MTCL3: variants seen among roughly 807,000 people sequenced by gnomAD.
The protein encoded by MTCL3 is microtubule cross-linking factor 3.
chr6:127,478,904 C>T, the MTCL3 span, among the ~76,000 whole-genome samples: 524 of 151,448 alleles, frequency 3.5e-3, 5 homozygotes, highest in African/African-American at 0.012. Context: ...GTAGTCCCAG[C>T]TGCTCGGGAG....
chr6:127,508,998 A>G, the MTCL3 span, among the ~76,000 whole-genome samples: 1 of 152,222 alleles, frequency 6.6e-6, no homozygotes, highest in African/African-American at 2.4e-5. Context: ...TGTTGTTTAC[A>G]TGACATAACT....
the MTCL3 span, among the ~76,000 whole-genome samples, chr6:127,499,783 T>A: frequency 9.2e-5 from 14 of 152,292 alleles, no homozygotes; most frequent in African/African-American, 3.4e-4. Context: ...TGACTCCTCC[T>A]TGGGTTTGGC....
the MTCL3 span, among the ~76,000 whole-genome samples, chr6:127,478,582 G>A: frequency 3.3e-5 from 5 of 152,194 alleles, no homozygotes; most frequent in Admixed American, 6.5e-5. Context: ...TAGAATCTCA[G>A]GCTCATGATT....
the MTCL3 span, among the ~76,000 whole-genome samples, chr6:127,510,297 T>C: frequency 6.6e-6 from 1 of 152,224 alleles, no homozygotes; most frequent in Non-Finnish European, 1.5e-5. Flanking sequence ...CACTGCTTGG[T>C]GCTGGAACAG....
chr6:127,510,070 GT>G, the MTCL3 span, among the ~76,000 whole-genome samples: 1,114 of 150,792 alleles, frequency 7.4e-3, 14 homozygotes, highest in African/African-American at 0.026. Context: ...CTCCCTTCCT[GT>G]TTTTTTTTAT....
chr6:127,513,326 T>C, the MTCL3 span, among the ~76,000 whole-genome samples: 2 of 152,222 alleles, frequency 1.3e-5, no homozygotes, highest in Non-Finnish European at 2.9e-5. Flanking sequence ...GAGTAGACAC[T>C]GCTGGGCTAA....
At chr6:127,496,300 G>A in the MTCL3 span, among the ~76,000 whole-genome samples, 2 of 152,152 alleles carry the variant, frequency 1.3e-5, no homozygotes, top group East Asian at 1.9e-4. Context: ...ATTTACTTCT[G>A]ATTAAAATAT....
At chr6:127,510,418 A>T in the MTCL3 span, among the ~76,000 whole-genome samples, 1 of 152,226 alleles carries the variant, frequency 6.6e-6, no homozygotes, top group African/African-American at 2.4e-5. Context: ...GACATTCCCA[A>T]GCTCTACCCT....
the MTCL3 span, among the ~76,000 whole-genome samples, chr6:127,495,395 C>T: frequency 0.079 from 11,977 of 151,840 alleles, 1,528 homozygotes; most frequent in East Asian, 0.64. Context: ...TCCTTAAGGC[C>T]TTTGTTTATA....
the MTCL3 span, among the ~76,000 whole-genome samples, chr6:127,481,974 C>T: frequency 1.3e-5 from 2 of 152,198 alleles, no homozygotes; most frequent in Non-Finnish European, 2.9e-5. Context: ...TACAATCCCA[C>T]CAGTGCCATG....
the MTCL3 span, chr6:127,516,381 C>T: frequency 6.2e-7 from 1 of 1,600,850 alleles, no homozygotes. Flanking sequence ...CCTGCTGTTG[C>T]TGCTGCTGCA....
At chr6:127,515,873 T>A in the MTCL3 span, 1 of 1,611,036 alleles carries the variant, frequency 6.2e-7, no homozygotes, top group Non-Finnish European at 8.5e-7. This position sits in a 1 kb window ranked among gnomAD's most constrained non-coding sequence, Gnocchi z 4.3. Context: ...TTCCAGTAGC[T>A]CCCTCCACCA....
At chr6:127,484,572 G>A in the MTCL3 span, among the ~76,000 whole-genome samples, 4 of 152,258 alleles carry the variant, frequency 2.6e-5, no homozygotes, top group Admixed American at 2.6e-4. Flanking sequence ...CTTATTGAAT[G>A]CTTGTATTTG....
At chr6:127,474,768 C>T in the MTCL3 span, among the ~76,000 whole-genome samples, 2 of 152,164 alleles carry the variant, frequency 1.3e-5, no homozygotes, top group South Asian at 2.1e-4. Context: ...TTTGGAGAGA[C>T]GGATCTTGCC....
chr6:127,477,836 G>A, the MTCL3 span, among the ~76,000 whole-genome samples: 42 of 152,136 alleles, frequency 2.8e-4, no homozygotes, highest in Non-Finnish European at 5.1e-4. Flanking sequence ...TACCGATAGG[G>A]GAGATTTATT....
At chr6:127,514,888 G>C in the MTCL3 span, 614 of 1,614,164 alleles carry the variant, frequency 3.8e-4, 9 homozygotes, top group East Asian at 0.013. Context: ...GCGTAGCGGA[G>C]CCTTTTGCGC....
At chr6:127,481,526 A>G in the MTCL3 span, 2 of 929,508 alleles carry the variant, frequency 2.2e-6, no homozygotes, top group Admixed American at 1.2e-4. Context: ...GGAAAAAGGA[A>G]AATAATATAT....
At chr6:127,493,081 A>T in the MTCL3 span, among the ~76,000 whole-genome samples, 7 of 152,156 alleles carry the variant, frequency 4.6e-5, no homozygotes, top group African/African-American at 1.4e-4. Flanking sequence ...GCCTTTATCT[A>T]TGCCTCTGAT....
At chr6:127,501,759 G>A in the MTCL3 span, among the ~76,000 whole-genome samples, 134 of 152,236 alleles carry the variant, frequency 8.8e-4, no homozygotes, top group Non-Finnish European at 1.8e-3. Context: ...AAGGCTAAAT[G>A]ACAACTTCAA....
Sources: allele counts gnomAD v4.1 joint callset (sites outside exome capture counted in the v4.1 genomes callset), GRCh38; gene constraint gnomAD v4.1.1; non-coding constraint Gnocchi (gnomAD v3.1); transcripts MANE v1.5; gene names NCBI Gene and HGNC (gene_info 2026-07-23, HGNC 2026-07-21).